The following SRFBP1 variants were observed in gnomAD, a reference collection of about 807,000 sequenced individuals.
SRFBP1 encodes the protein serum response factor-binding protein 1.
SRFBP1 carries 47 observed loss-of-function variants against 45.5 expected under a neutral mutation model. The ratio of observed to expected loss-of-function variants is 1.03; its 90% CI spans 0.82 to 1.32. The LOEUF (loss-of-function observed/expected upper bound fraction) is 1.32, where lower values mean the gene tolerates loss of function less well. Ranked by LOEUF, SRFBP1 falls within the 40% of genes most tolerant of loss-of-function variation. SRFBP1 has a pLI of 0.00. For synonymous variants in SRFBP1, 203 were observed against 166.3 expected (o/e 1.22, Z -1.70); for missense variants, 621 against 484.6 (o/e 1.28, Z -2.64).
chr5:121,971,448 C>T (rs1326978542), intron 1 of SRFBP1, among the ~76,000 whole-genome samples: 1 of 151,902 alleles, frequency 6.6e-6, no homozygotes, highest in Non-Finnish European at 1.5e-5. Flanking sequence ...CCCCCCCTCC[C>T]CACAAAAGAA....
chr5:122,000,861 T>A (rs892737603), intron 4 of SRFBP1, among the ~76,000 whole-genome samples: 5 of 152,150 alleles, frequency 3.3e-5, no homozygotes, highest in African/African-American at 1.2e-4. Context: ...TTGCATTAAT[T>A]TTTATGATAA....
At chr5:122,069,576 G>C (rs1370395812) in intron 2 of SRFBP1, among the ~76,000 whole-genome samples, 4 of 152,084 alleles carry the variant, frequency 2.6e-5, no homozygotes, top group Non-Finnish European at 2.9e-5. Context: ...AATGGTTCTA[G>C]AACTCAAATA....
At chr5:122,055,311 C>T (rs749919281) in intron 2 of SRFBP1, among the ~76,000 whole-genome samples, 10 of 152,162 alleles carry the variant, frequency 6.6e-5, no homozygotes, top group Non-Finnish European at 1.0e-4. Context: ...CACCTCCCAA[C>T]GATCTCTTAA....
chr5:121,974,457 T>A (rs1043451652), intron 2 of SRFBP1, among the ~76,000 whole-genome samples, 173 bp downstream of exon 2: 2 of 151,976 alleles, frequency 1.3e-5, no homozygotes, highest in Non-Finnish European at 2.9e-5. Context: ...TGTGTCAGCA[T>A]GCCCTTCTAT....
chr5:122,032,678 C>A (rs1439763338), downstream of SRFBP1, among the ~76,000 whole-genome samples: 1 of 152,174 alleles, frequency 6.6e-6, no homozygotes, highest in East Asian at 1.9e-4. Flanking sequence ...ACTCTTCTAT[C>A]TATGGGTATG....
chr5:122,066,539 C>T (rs991015403), intron 2 of SRFBP1: 2 of 492,226 alleles, frequency 4.1e-6, no homozygotes, highest in African/African-American at 1.9e-5. Flanking sequence ...AAATAATAAA[C>T]ATTAAAAATT....
chr5:122,073,878 C>CT, intron 2 of SRFBP1: 1 of 789,198 alleles, frequency 1.3e-6, no homozygotes, highest in Non-Finnish European at 2.0e-6. Flanking sequence ...CTACAGTTTT[C>CT]TTTGAGAACA....
chr5:122,037,112 G>C (rs1454381759), intron 2 of SRFBP1, among the ~76,000 whole-genome samples: 1 of 152,084 alleles, frequency 6.6e-6, no homozygotes, highest in African/African-American at 2.4e-5. Context: ...TGATCAGGCT[G>C]GTCTCCAACT....
At chr5:121,973,385 G>T (rs768995666) in intron 1 of SRFBP1, among the ~76,000 whole-genome samples, 1 of 151,832 alleles carries the variant, frequency 6.6e-6, no homozygotes, top group African/African-American at 2.4e-5. Flanking sequence ...AGAAGGGGAA[G>T]AAGGACATTC....
At chr5:121,981,299 CTG>C (rs1219558670) in intron 3 of SRFBP1, among the ~76,000 whole-genome samples, 2 of 151,972 alleles carry the variant, frequency 1.3e-5, no homozygotes, top group African/African-American at 2.4e-5. Flanking sequence ...ATCTAGGAAA[CTG>C]TGAAGAAACT....
intron 2 of SRFBP1, among the ~76,000 whole-genome samples, chr5:122,045,522 T>A (rs1160777984): frequency 6.6e-6 from 1 of 152,246 alleles, no homozygotes; most frequent in Non-Finnish European, 1.5e-5. Flanking sequence ...GTGTCATCTC[T>A]GATTTCGTTG....
Position 122,026,965 on chromosome 5 carries a change from A to T in SRFBP1, c.1129A>T (p.Ile377Phe). The T allele has an allele frequency of 6.2e-7, 1 of 1,612,150 alleles. No homozygotes were observed. The highest frequency in any genetic ancestry group is 1.1e-5 in the South Asian group (1 of 90,550). ...SLDFPQNEPQ[I>F]KNQFNKKLSG... ...AGATTTTCCACAGAATGAGCCTCAG[A>T]TCAAGAATCAGTTTAATAAGAAGCT... is the stretch of plus-strand genomic sequence containing the variant. The change falls in exon 8 of 8, where the codon ATC becomes TTC. Residue 377 changes from isoleucine (I) to phenylalanine (F), a missense_variant. Coordinates refer to ENST00000339397, the MANE Select transcript of SRFBP1 (RefSeq NM_152546.3).
rs142722537 is a variant in SRFBP1, at chr5:122,000,364, TACTTTC to T, written c.270+5699_270+5704del. On this transcript the variant is annotated intron_variant, in intron 4 of 7. Coordinates refer to ENST00000339397, the MANE Select transcript of SRFBP1 (RefSeq NM_152546.3). ...TAAACATAAAAATAAATCATTTTTATACTTTCACTTATTCAGTTTTGATTGCTCTTT... is the reference window on the plus strand; with the variant it reads ...TAAACATAAAAATAAATCATTTTTATACTTATTCAGTTTTGATTGCTCTTT... Among the ~76,000 whole-genome samples, 763 of 152,224 alleles carry T rather than the reference TACTTTC, an allele frequency of 5.0e-3. 8 individuals carry two copies. Among genetic ancestry groups the T allele is most frequent in the African/African-American group, 0.017 (720 of 41,560 alleles).
At chr5:121,969,224 T>C (rs1304892261) in intron 1 of SRFBP1, among the ~76,000 whole-genome samples, 2 of 152,160 alleles carry the variant, frequency 1.3e-5, no homozygotes, top group African/African-American at 4.8e-5. Flanking sequence ...GTGTCTAATA[T>C]GCGTAATAAA....
chr5:122,009,177 G>T (rs1464352164), intron 4 of SRFBP1, among the ~76,000 whole-genome samples: 1 of 151,874 alleles, frequency 6.6e-6, no homozygotes, highest in Non-Finnish European at 1.5e-5. Context: ...ATTTTGTTTG[G>T]TCATTTGCAT....
At chr5:121,989,569 A>G (rs1259351345) in intron 3 of SRFBP1, among the ~76,000 whole-genome samples, 1 of 152,206 alleles carries the variant, frequency 6.6e-6, no homozygotes, top group Non-Finnish European at 1.5e-5. Context: ...CTGAATACAT[A>G]TAAAATGCCC....
intron 2 of SRFBP1, among the ~76,000 whole-genome samples, chr5:122,043,003 A>G (rs1053027740): frequency 6.6e-6 from 1 of 152,092 alleles, no homozygotes; most frequent in African/African-American, 2.4e-5. Flanking sequence ...GTCAATATTC[A>G]TGTAGATTTA....
At chr5:122,033,541 A>G (rs556285331), downstream of SRFBP1, among the ~76,000 whole-genome samples, 3 of 151,432 alleles carry the variant, frequency 2.0e-5, no homozygotes, top group South Asian at 6.3e-4. Context: ...ACTCACTGCA[A>G]CCTCTGCCTC....
chr5:122,061,080 T>C (rs1056475932), intron 2 of SRFBP1, among the ~76,000 whole-genome samples: 4 of 152,006 alleles, frequency 2.6e-5, no homozygotes, highest in African/African-American at 9.7e-5. Flanking sequence ...CAATATTAGC[T>C]GTGTGGCAAT....
Sources: allele counts gnomAD v4.1 joint callset (sites outside exome capture counted in the v4.1 genomes callset), GRCh38; gene constraint gnomAD v4.1.1; transcripts MANE v1.5; gene names NCBI Gene and HGNC (gene_info 2026-07-23, HGNC 2026-07-21).